DNTT: variants seen among roughly 807,000 people sequenced by gnomAD.
DNTT encodes DNA nucleotidylexotransferase.
In DNTT, 47 loss-of-function variants were observed where a neutral mutation model predicts 60.9. The ratio of observed to expected loss-of-function variants is 0.77; its 90% CI spans 0.61 to 0.98. The LOEUF is 0.98. Among genes scored for constraint, DNTT ranks in the 50% least tolerant of loss-of-function variants. DNTT has a pLI of 0.00. For synonymous variants in DNTT, 224 were observed against 221.2 expected (o/e 1.01, Z -0.11); for missense variants, 665 against 627.5 (o/e 1.06, Z -0.64).
intron 8 of DNTT, among the ~76,000 whole-genome samples, chr10:96,330,429 CA>C (rs1844992618): frequency 6.6e-6 from 1 of 150,934 alleles, no homozygotes; most frequent in African/African-American, 2.4e-5. Context: ...GAAATTTACA[CA>C]AAAGGCTGCT....
chr10:96,322,987 C>A (rs1844898121), intron 5 of DNTT, among the ~76,000 whole-genome samples: 1 of 152,186 alleles, frequency 6.6e-6, no homozygotes, highest in Non-Finnish European at 1.5e-5. Flanking sequence ...ACAGAGAGAA[C>A]AAGCAATCTT....
chr10:96,325,779 A>G (rs993775032), intron 6 of DNTT, among the ~76,000 whole-genome samples: 4 of 152,224 alleles, frequency 2.6e-5, no homozygotes, highest in African/African-American at 9.6e-5. Context: ...TGGAATTGCC[A>G]ATGGGAATAG....
chr10:96,324,711 T>C (rs986563293), intron 6 of DNTT, among the ~76,000 whole-genome samples: 3 of 152,186 alleles, frequency 2.0e-5, no homozygotes, highest in Admixed American at 2.0e-4. Context: ...CTGTGGCTGT[T>C]TGTGGTCCTT....
At chr10:96,334,932 A>T (rs1845049476) in intron 9 of DNTT, among the ~76,000 whole-genome samples, 1 of 152,194 alleles carries the variant, frequency 6.6e-6, no homozygotes, top group Admixed American at 6.5e-5. Context: ...AGTACTCAGA[A>T]ATTGTTGCTG....
rs768634575 is a variant in DNTT, at chr10:96,307,777, A to ATAT, written c.203+3078_203+3079insATT. Among the ~76,000 whole-genome samples the ATAT allele has an allele frequency of 8.9e-4, 112 of 126,024 alleles. 2 individuals are homozygous for ATAT. Among genetic ancestry groups the ATAT allele is most frequent in the African/African-American group, 2.8e-3 (90 of 32,392 alleles). 82.7% of individuals were successfully genotyped at this position (126,024 alleles called of 152,430 possible). A position where few individuals can be genotyped will look rare whatever the true frequency, so the allele number is the denominator to read the frequency against. On this transcript the variant is annotated intron_variant, in intron 1 of 10. Transcript: ENST00000371174. ...TGTGTGCATATATATATATATATAT[A>ATAT]TTTTTTTTTTTTGAGGCAGGGTCTT...
chr10:96,320,039 C>T (rs777968464), intron 3 of DNTT, among the ~76,000 whole-genome samples: 1 of 152,224 alleles, frequency 6.6e-6, no homozygotes, highest in African/African-American at 2.4e-5. Flanking sequence ...CATTTCTAGA[C>T]TTCCAGCTCC....
At chr10:96,315,629 G>C (rs1448901699) in intron 1 of DNTT, among the ~76,000 whole-genome samples, 2 of 151,970 alleles carry the variant, frequency 1.3e-5, no homozygotes, top group Non-Finnish European at 2.9e-5. Context: ...AGGCAGTAGG[G>C]GGAGTGGTAA....
At chr10:96,327,629 C>T (rs756609148) in intron 7 of DNTT, 29 bp downstream of exon 7, 1 of 1,597,606 alleles carries the variant, frequency 6.3e-7, no homozygotes, top group Non-Finnish European at 8.5e-7. Flanking sequence ...TTTGCCTCCT[C>T]TGCCCGAATA....
rs539410180 is a variant in DNTT, at chr10:96,314,687, C to T, written c.204-3665C>T. Reference sequence around the variant, plus strand: ...TCAGCCTCCCAAAGTGCTGGGATTACAGGCATGAGCCACCGCGCCCAGCCT... The same window carrying T: ...TCAGCCTCCCAAAGTGCTGGGATTATAGGCATGAGCCACCGCGCCCAGCCT... On this transcript the variant is annotated intron_variant, in intron 1 of 10. Coordinates refer to ENST00000371174, the MANE Select transcript of DNTT (RefSeq NM_004088.4). 5.9e-5 allele frequency among the ~76,000 whole-genome samples: 9 copies of T among 152,098 alleles called. No homozygotes were observed. The South Asian group carries it at 1.9e-3, about 32-fold the overall frequency.
chr10:96,319,417 G>C, intron 3 of DNTT, 27 bp downstream of exon 3: 2 of 1,610,258 alleles, frequency 1.2e-6, no homozygotes, highest in Non-Finnish European at 1.7e-6. Flanking sequence ...TCAACACCCA[G>C]GGCAAACGAA....
rs139853147 is a variant in DNTT, at chr10:96,328,795, C to T, written c.1078C>T (p.Leu360Phe). 4.6e-5 allele frequency: 74 copies of T among 1,613,518 alleles called. No individual in the cohort carries two copies. Among genetic ancestry groups the T allele is most frequent in the Non-Finnish European group, 6.0e-5 (71 of 1,179,838 alleles). ...AGGATCAACAGAGGATGAAGAGCAA[C>T]TTTTACAGAAAGTGATGAACTTATG... ...SPGSTEDEEQ[L>F]LQKVMNLWEK... is the part of the protein sequence containing the mutation. The change falls in exon 8 of 11, where the codon CTT becomes TTT. Residue 360 changes from leucine to phenylalanine, a missense_variant. Coordinates refer to ENST00000371174, the MANE Select transcript of DNTT (RefSeq NM_004088.4).
At chr10:96,334,831 A>C (rs1845048556) in intron 9 of DNTT, among the ~76,000 whole-genome samples, 2 of 152,262 alleles carry the variant, frequency 1.3e-5, no homozygotes, top group Non-Finnish European at 2.9e-5. Context: ...ATGTCATGCC[A>C]GTTAAGCATC....
At chr10:96,305,952 A>C (rs1249460461) in intron 1 of DNTT, among the ~76,000 whole-genome samples, 4 of 152,110 alleles carry the variant, frequency 2.6e-5, no homozygotes, top group African/African-American at 9.7e-5. Context: ...GCCACTCTGA[A>C]TCTCATTTTC....
intron 8 of DNTT, 115 bp from the exon 9 acceptor site, chr10:96,332,236 C>G (rs1349584328): frequency 1.2e-5 from 17 of 1,472,934 alleles, no homozygotes; most frequent in Non-Finnish European, 1.5e-5. Flanking sequence ...AATGCAAGGC[C>G]AAACACATGT....
chr10:96,306,383 C>T (rs1402680229), intron 1 of DNTT: 2 of 152,138 alleles, frequency 1.3e-5, no homozygotes, highest in African/African-American at 2.4e-5. Flanking sequence ...TGAGCCACCA[C>T]GTCTGGCCAA....
intron 1 of DNTT, among the ~76,000 whole-genome samples, chr10:96,315,373 T>C (rs1328747651): frequency 6.6e-6 from 1 of 152,188 alleles, no homozygotes; most frequent in Non-Finnish European, 1.5e-5. Context: ...CTGAGTAGCA[T>C]TGGCTTAAGA....
chr10:96,336,930 T>C (rs1845079064), intron 10 of DNTT, among the ~76,000 whole-genome samples: 1 of 120,064 alleles, frequency 8.3e-6, no homozygotes, highest in Non-Finnish European at 1.7e-5. Flanking sequence ...AGAGTGAGAC[T>C]CTGTGTCAGG....
At position 96,320,721 on chromosome 10, in the gene DNTT, C is replaced by T. The variant is rs779016101; in HGVS notation, c.611C>T (p.Thr204Ile). 1.2e-6 allele frequency: 2 copies of T among 1,613,850 alleles called. No homozygotes were observed. Among genetic ancestry groups the T allele is most frequent in the Non-Finnish European group, 1.7e-6 (2 of 1,179,818 alleles). Reference sequence around the variant, plus strand: ...TCTGTATTGAAATCTCTGCCATTCACAATCATCAGTATGAAGGACACAGAA... The same window carrying T: ...TCTGTATTGAAATCTCTGCCATTCATAATCATCAGTATGAAGGACACAGAA... ...AASVLKSLPF[T>I]IISMKDTEGI... Residue 204 changes from threonine (T) to isoleucine (I), a missense_variant, in exon 4 of 11, where the codon ACA (threonine) becomes ATA (isoleucine). Thr to Ile is a moderately conservative substitution (Grantham distance 89, BLOSUM62 -1). Transcript: ENST00000371174.
At chr10:96,306,440 A>G (rs1844639000) in intron 1 of DNTT, 1 of 152,204 alleles carries the variant, frequency 6.6e-6, no homozygotes, top group Non-Finnish European at 1.5e-5. Flanking sequence ...CAAATATGGA[A>G]CTGCTTTTCA....
Sources: gnomAD v4.1 joint callset for allele counts (sites outside exome capture counted in the v4.1 genomes callset) on GRCh38, gnomAD v4.1.1 for gene constraint, MANE v1.5 for transcripts, NCBI Gene and HGNC (gene_info 2026-07-23, HGNC 2026-07-21) for gene names.